Variants in SYT14 observed in about 807,000 individuals in gnomAD.
SYT14 encodes the protein synaptotagmin-14.
SYT14 carries 32 observed loss-of-function variants against 74.2 expected under a neutral mutation model. That is an observed-to-expected ratio of 0.43 (90% CI 0.33 to 0.58). The LOEUF (loss-of-function observed/expected upper bound fraction) is 0.58. SYT14 is among the 20% of genes least tolerant of loss of function. The pLI, the probability that SYT14 is intolerant of heterozygous loss-of-function variation, is 0.05. For synonymous variants in SYT14, 298 were observed against 337.7 expected (o/e 0.88, Z 1.29); for missense variants, 791 against 981.8 (o/e 0.81, Z 2.60).
In SYT14 at chr1:210,134,217, C is replaced by T. The variant is rs11119416; in HGVS notation, c.2035-21504C>T. ...TCCCAGGCTCAAGCGATCCTCCCAC[C>T]TCAGCCTCCTGAGTAGCTGAGACCA... On this transcript the variant is annotated intron_variant, in intron 7 of 9. Coordinates refer to ENST00000637265, the Ensembl canonical transcript of SYT14. 5.8e-3 allele frequency among the ~76,000 whole-genome samples: 888 copies of T among 152,202 alleles called. 6 individuals are homozygous for T. The highest frequency in any genetic ancestry group is 0.02 in the African/African-American group (815 of 41,508).
intron 7 of SYT14, among the ~76,000 whole-genome samples, chr1:210,101,313 C>G (rs1428476076): frequency 6.6e-6 from 1 of 151,950 alleles, no homozygotes; most frequent in Non-Finnish European, 1.5e-5. Flanking sequence ...TATAAATATA[C>G]AGATTTTAGA....
intron 2 of SYT14, among the ~76,000 whole-genome samples, chr1:209,992,495 A>G (rs763839266): frequency 1.3e-5 from 2 of 152,182 alleles, no homozygotes; most frequent in African/African-American, 4.8e-5. Flanking sequence ...ACACATGGAC[A>G]TAGAAAATGT....
intron 2 of SYT14, among the ~76,000 whole-genome samples, chr1:210,009,493 G>C (rs1205699859): frequency 6.6e-6 from 1 of 151,942 alleles, no homozygotes; most frequent in Non-Finnish European, 1.5e-5. Flanking sequence ...CCTTTTCCTA[G>C]TGGGGAAAGC....
At position 210,092,871 on chromosome 1, in the gene SYT14, A is replaced by G. The variant is rs559289694; in HGVS notation, c.1313-1451A>G. On this transcript the variant is annotated intron_variant, in intron 5 of 9. Coordinates refer to ENST00000637265, the Ensembl canonical transcript of SYT14. ...ATTTCCCACACAATATAGTATTACA[A>G]CATTTACATAGCATTCACATTGTGT... Among the ~76,000 whole-genome samples the G allele has an allele frequency of 3.9e-5, 6 of 152,358 alleles. No homozygotes were observed. In the South Asian group the frequency reaches 1.0e-3, roughly 26 times the overall value.
intron 5 of SYT14, among the ~76,000 whole-genome samples, chr1:210,053,343 A>T (rs975063898): frequency 2.6e-5 from 4 of 151,960 alleles, no homozygotes; most frequent in Admixed American, 2.0e-4. Flanking sequence ...GTGCTGAAGT[A>T]ATAGTAGTGG....
intron 5 of SYT14, among the ~76,000 whole-genome samples, chr1:210,035,377 T>C (rs2080637650): frequency 6.6e-6 from 1 of 151,996 alleles, no homozygotes; most frequent in Non-Finnish European, 1.5e-5. Context: ...GTCTGTTGAC[T>C]GTGTTGATTG....
At chr1:209,977,737 A>G (rs1196633102) in intron 2 of SYT14, among the ~76,000 whole-genome samples, 2 of 152,090 alleles carry the variant, frequency 1.3e-5, no homozygotes, top group Non-Finnish European at 1.5e-5. Context: ...TATTTCCCGA[A>G]TTTGAATGTT....
chr1:209,969,070 C>T (rs1046284974), intron 2 of SYT14, among the ~76,000 whole-genome samples: 11 of 152,100 alleles, frequency 7.2e-5, no homozygotes, highest in East Asian at 3.9e-4. Flanking sequence ...CTGTAGAGGA[C>T]GTGATTTCAT....
At chr1:209,942,860 AT>A (rs2078758191) in intron 1 of SYT14, among the ~76,000 whole-genome samples, 1 of 152,292 alleles carries the variant, frequency 6.6e-6, no homozygotes, top group Admixed American at 6.5e-5. Context: ...TCTGGGTAAC[AT>A]TTTTTAAAAA....
intron 2 of SYT14, among the ~76,000 whole-genome samples, chr1:209,986,219 T>C (rs2079567762): frequency 6.6e-6 from 1 of 152,192 alleles, no homozygotes; most frequent in African/African-American, 2.4e-5. Flanking sequence ...TAAATGTAAG[T>C]TCCTATGTTA....
At chr1:210,147,038 T>C (rs186344077) in intron 7 of SYT14, among the ~76,000 whole-genome samples, 33 of 152,106 alleles carry the variant, frequency 2.2e-4, no homozygotes, top group Non-Finnish European at 4.0e-4. Context: ...GAAGAATTGG[T>C]CCACCATGAA....
exon 10 of SYT14, chr1:210,161,234 A>G (rs1309384665): frequency 1.4e-6 from 1 of 698,508 alleles, no homozygotes; most frequent in South Asian, 1.5e-5. Flanking sequence ...TATCTAGTAG[A>G]GCTTGTTTAG....
At chr1:209,983,212 T>A (rs2079518206) in intron 2 of SYT14, among the ~76,000 whole-genome samples, 1 of 152,012 alleles carries the variant, frequency 6.6e-6, no homozygotes, top group African/African-American at 2.4e-5. Flanking sequence ...TGAGATCCAG[T>A]TTATCAACTA....
chr1:209,950,045 G>GTACA (rs2078887174), intron 1 of SYT14, among the ~76,000 whole-genome samples: 2 of 152,082 alleles, frequency 1.3e-5, no homozygotes, highest in South Asian at 4.2e-4. Flanking sequence ...TATTGTTACT[G>GTACA]TACATACTAA....
intron 7 of SYT14, among the ~76,000 whole-genome samples, chr1:210,145,344 T>C (rs984054212): frequency 2.6e-5 from 4 of 152,192 alleles, no homozygotes; most frequent in Non-Finnish European, 5.9e-5. Context: ...TGAAGATGTA[T>C]ATCTGAGCAT....
intron 7 of SYT14, among the ~76,000 whole-genome samples, chr1:210,107,559 G>A (rs182664105): frequency 5.3e-5 from 8 of 152,228 alleles, no homozygotes; most frequent in African/African-American, 1.9e-4. Flanking sequence ...CAGATGGGAA[G>A]AAATGTAAGA....
intron 5 of SYT14, among the ~76,000 whole-genome samples, chr1:210,047,265 G>C (rs1003627628): frequency 2.0e-5 from 3 of 151,862 alleles, no homozygotes; most frequent in Admixed American, 1.3e-4. Flanking sequence ...CACATAGAAA[G>C]GTAGCCAATA....
At chr1:210,030,814 C>T (rs1558140981) in intron 5 of SYT14, among the ~76,000 whole-genome samples, 1 of 152,160 alleles carries the variant, frequency 6.6e-6, no homozygotes, top group South Asian at 2.1e-4. Context: ...GAGAAGATCA[C>T]TCACAAGAAC....
At chr1:209,959,224 CCT>C (rs1223354303) in intron 2 of SYT14, among the ~76,000 whole-genome samples, 1 of 152,050 alleles carries the variant, frequency 6.6e-6, no homozygotes, top group East Asian at 1.9e-4. Context: ...CTCACTACAA[CCT>C]CCGCCTCCTG....
Sources: gnomAD v4.1 joint callset for allele counts (sites outside exome capture counted in the v4.1 genomes callset) on GRCh38, gnomAD v4.1.1 for gene constraint, MANE v1.5 for transcripts, NCBI Gene and HGNC (gene_info 2026-07-23, HGNC 2026-07-21) for gene names.